Variants in ZSWIM7 observed in about 807,000 individuals in gnomAD.
ZSWIM7 encodes zinc finger SWIM domain-containing protein 7.
In ZSWIM7, 22 loss-of-function variants were observed where a neutral mutation model predicts 21.1. The observed-to-expected ratio is 1.04, with a 90% CI of 0.74 to 1.49. The LOEUF is 1.49. Ranked by LOEUF, ZSWIM7 falls within the 40% of genes most tolerant of loss-of-function variation. The pLI, the probability that ZSWIM7 is intolerant of heterozygous loss-of-function variation, is 0.00. For synonymous variants in ZSWIM7, 67 were observed against 66.5 expected, an observed-to-expected ratio of 1.01 and a Z score of -0.04; for missense variants, 193 against 168.0, an observed-to-expected ratio of 1.15 and a Z score of -0.82.
At chr17:15,985,270 C>T (rs1350744032) in intron 3 of ZSWIM7, among the ~76,000 whole-genome samples, 2 of 149,734 alleles carry the variant, frequency 1.3e-5, no homozygotes, top group African/African-American at 4.9e-5. Context: ...TGCCAATGCA[C>T]TCCAGCCTGG....
At chr17:15,987,137 C>A in intron 3 of ZSWIM7, 129 bp downstream of exon 3, 1 of 642,440 alleles carries the variant, frequency 1.6e-6, no homozygotes, top group Non-Finnish European at 2.4e-6. Flanking sequence ...GTTAATTTTA[C>A]CAAGTTGGGG....
intron 1 of ZSWIM7, among the ~76,000 whole-genome samples, chr17:15,998,174 G>A (rs1232251008): frequency 6.6e-6 from 1 of 151,860 alleles, no homozygotes; most frequent in Non-Finnish European, 1.5e-5. Flanking sequence ...CAGTTCTGGC[G>A]ATTATTGTTT....
intron 1 of ZSWIM7, among the ~76,000 whole-genome samples, chr17:15,998,360 G>A (rs1970592747): frequency 6.6e-6 from 1 of 152,158 alleles, no homozygotes; most frequent in Non-Finnish European, 1.5e-5. Flanking sequence ...TGACTGAGAT[G>A]AGGAAACAAA....
Position 15,981,118 on chromosome 17 carries a change from GTA to G in ZSWIM7, c.226_227del (p.Tyr76HisfsTer23). On this transcript the variant is annotated frameshift_variant, in exon 4 of 5. Transcript: ENST00000399277. LOFTEE classifies it high-confidence loss of function. ...AGTAATGACAAGAAGCCAAACATGT[GTA>G]TGTTTTACTGGAACTTCCAAGGACC... ...YQVLGSSSKT[Y>X]TCLASCHYCS... The G allele has an allele frequency of 1.9e-6, 3 of 1,613,746 alleles. No individual in the cohort carries two copies. In the South Asian group the frequency reaches 3.3e-5, roughly 18 times the overall value.
intron 3 of ZSWIM7, among the ~76,000 whole-genome samples, chr17:15,982,134 A>G (rs1188884428): frequency 6.6e-6 from 1 of 152,164 alleles, no homozygotes; most frequent in Non-Finnish European, 1.5e-5. Flanking sequence ...TAAGAGGCAC[A>G]GTCTAACAGT....
chr17:15,994,687 A>T (rs1406439088), intron 1 of ZSWIM7, among the ~76,000 whole-genome samples: 2 of 152,184 alleles, frequency 1.3e-5, no homozygotes, highest in Admixed American at 1.3e-4. Flanking sequence ...TGTCACACTG[A>T]AAACAGGATC....
intron 2 of ZSWIM7, chr17:15,990,941 G>C (rs1232399448): frequency 6.6e-6 from 1 of 152,058 alleles, no homozygotes; most frequent in Admixed American, 6.5e-5. Flanking sequence ...AAGGCAGGCG[G>C]AACTCCTGAC....
chr17:15,983,201 C>G (rs1567790130), intron 3 of ZSWIM7, among the ~76,000 whole-genome samples: 1 of 151,500 alleles, frequency 6.6e-6, no homozygotes, highest in Admixed American at 6.6e-5. Flanking sequence ...AAAAATTAGC[C>G]AGGTGTGGTG....
chr17:15,981,771 T>G (rs545035395), intron 3 of ZSWIM7, among the ~76,000 whole-genome samples: 3 of 152,052 alleles, frequency 2.0e-5, no homozygotes, highest in Non-Finnish European at 4.4e-5. Context: ...TTTTTTAAAG[T>G]CAGGTATGGT....
chr17:15,982,631 C>T (rs959683976), intron 3 of ZSWIM7, among the ~76,000 whole-genome samples: 1 of 151,992 alleles, frequency 6.6e-6, no homozygotes, highest in Admixed American at 6.6e-5. Context: ...TATCCCAGTA[C>T]AGCTTTTATT....
At chr17:15,999,400 C>G in intron 1 of ZSWIM7, 119 bp downstream of exon 1, 1 of 1,269,352 alleles carries the variant, frequency 7.9e-7, no homozygotes, top group Non-Finnish European at 1.1e-6. Flanking sequence ...GTTTAGAGAA[C>G]CACATGGAAA....
intron 2 of ZSWIM7, among the ~76,000 whole-genome samples, chr17:15,990,145 G>A (rs1249190573): frequency 6.6e-6 from 1 of 151,184 alleles, no homozygotes; most frequent in Non-Finnish European, 1.5e-5. Context: ...GTGTGAACCC[G>A]GGAGGCGGAG....
rs1970513524 is a variant in ZSWIM7, at chr17:15,993,782, T to C, written c.77-4A>G. The C allele has an allele frequency of 6.6e-7, 1 of 1,508,096 alleles. No homozygotes were observed. Among genetic ancestry groups the C allele is most frequent in the Non-Finnish European group, 9.1e-7 (1 of 1,093,920 alleles). 93.4% of individuals were successfully genotyped at this position (1,508,096 alleles called of 1,614,324 possible). Reference sequence around the variant, plus strand: ...GATAACAGATATTCATCAGGAACTGTAAAATGAGAATGGAAAAAAAAAGTT... The same window carrying C: ...GATAACAGATATTCATCAGGAACTGCAAAATGAGAATGGAAAAAAAAAGTT... On this transcript the variant is annotated splice_region_variant and splice_polypyrimidine_tract_variant and intron_variant, in intron 1 of 4. Coordinates refer to ENST00000399277, the MANE Select transcript of ZSWIM7 (RefSeq NM_001042697.2).
rs1361978356 is a variant in ZSWIM7, at chr17:15,984,826, G to A, written c.201+2440C>T. 2.6e-5 allele frequency among the ~76,000 whole-genome samples: 4 copies of A among 152,204 alleles called. No homozygotes were observed. In the East Asian group the frequency reaches 7.7e-4, roughly 29 times the overall value. On this transcript the variant is annotated intron_variant, in intron 3 of 4. Transcript: ENST00000399277. ...CAGTGTTCCAGATATGGGCTGCTTTGCCCACTGGGATCCCTGCATGAAGCT... is the reference window on the plus strand; with the variant it reads ...CAGTGTTCCAGATATGGGCTGCTTTACCCACTGGGATCCCTGCATGAAGCT...
intron 3 of ZSWIM7, among the ~76,000 whole-genome samples, chr17:15,984,881 G>A (rs1174531056): frequency 1.3e-5 from 2 of 152,196 alleles, no homozygotes; most frequent in African/African-American, 2.4e-5. Flanking sequence ...GCTGGCTCCT[G>A]GTGGATACAC....
At chr17:15,984,481 T>C (rs918913991) in intron 3 of ZSWIM7, among the ~76,000 whole-genome samples, 4 of 152,222 alleles carry the variant, frequency 2.6e-5, no homozygotes, top group Non-Finnish European at 5.9e-5. Context: ...ACAGAACTTG[T>C]AGGAACCTCA....
chr17:15,986,476 A>C (rs984110315), intron 3 of ZSWIM7, among the ~76,000 whole-genome samples: 2 of 151,714 alleles, frequency 1.3e-5, no homozygotes, highest in African/African-American at 4.8e-5. Flanking sequence ...AGTTGAACTC[A>C]TAGGCTGGGT....
intron 4 of ZSWIM7, among the ~76,000 whole-genome samples, chr17:15,980,598 A>G (rs540703154): frequency 1.3e-5 from 2 of 152,300 alleles, no homozygotes; most frequent in South Asian, 4.2e-4. Flanking sequence ...GAAATTGGCA[A>G]AGGCTTAAAG....
Position 15,981,144 on chromosome 17 carries a change from C to T in ZSWIM7, c.202G>A (p.Val68Ile). 6.2e-7 allele frequency: 1 copy of T among 1,612,418 alleles called. No homozygotes were observed. Among genetic ancestry groups the T allele is most frequent in the Non-Finnish European group, 8.5e-7 (1 of 1,178,740 alleles). ...TATGTTTTACTGGAACTTCCAAGGA[C>T]CTACAAAGAAAGGATAGATGGGATC... ...SSPSGRRVYQVLGSSSKTYTC... is the reference protein window; with the variant it reads ...SSPSGRRVYQILGSSSKTYTC... The change falls in exon 4 of 5, where the codon GTC becomes ATC. Residue 68 changes from valine to isoleucine, a missense_variant and splice_region_variant. Coordinates refer to ENST00000399277, the MANE Select transcript of ZSWIM7 (RefSeq NM_001042697.2).
Sources: allele counts gnomAD v4.1 joint callset (sites outside exome capture counted in the v4.1 genomes callset), GRCh38; gene constraint gnomAD v4.1.1; transcripts MANE v1.5; gene names NCBI Gene and HGNC (gene_info 2026-07-23, HGNC 2026-07-21).